The following ARFGEF3 variants were observed in gnomAD, a reference collection of about 807,000 sequenced individuals.
The protein encoded by ARFGEF3 is ARFGEF family member 3, also known as brefeldin A-inhibited guanine nucleotide-exchange protein 3.
In ARFGEF3, 96 loss-of-function variants were observed where a neutral mutation model predicts 221.7. That is an observed-to-expected ratio of 0.43 (90% CI 0.37 to 0.51). ARFGEF3 has a LOEUF of 0.51. ARFGEF3 is among the 20% of genes least tolerant of loss of function. ARFGEF3 has a pLI of 0.00. For missense variants in ARFGEF3, 2,410 were observed against 2,789.9 expected, an observed-to-expected ratio of 0.86 and a Z score of 3.07; for synonymous variants, 1,145 against 1,126.8, an observed-to-expected ratio of 1.02 and a Z score of -0.32.
At chr6:138,262,605 A>G (rs1158143190) in intron 11 of ARFGEF3, 96 bp from the exon 12 acceptor site, 3 of 1,222,754 alleles carry the variant, frequency 2.5e-6, no homozygotes, top group Admixed American at 2.3e-5. Context: ...TGTTTTGAAT[A>G]CTTTGCTGTT....
At chr6:138,167,952 G>T (rs897197412) in intron 1 of ARFGEF3, among the ~76,000 whole-genome samples, 2 of 152,170 alleles carry the variant, frequency 1.3e-5, no homozygotes, top group African/African-American at 2.4e-5. Flanking sequence ...GAGACAGAGG[G>T]TCATCCCCCT....
intron 29 of ARFGEF3, among the ~76,000 whole-genome samples, chr6:138,322,588 A>G (rs1388132049): frequency 6.6e-6 from 1 of 152,112 alleles, no homozygotes; most frequent in Non-Finnish European, 1.5e-5. Context: ...CAAGGTCAGG[A>G]GTTCGAGACT....
At chr6:138,177,775 T>C (rs945080191) in intron 2 of ARFGEF3, among the ~76,000 whole-genome samples, 1 of 152,130 alleles carries the variant, frequency 6.6e-6, no homozygotes, top group African/African-American at 2.4e-5. Flanking sequence ...TTTGAATATA[T>C]TTTGTAATTC....
At chr6:138,323,084 A>C (rs975719207) in intron 29 of ARFGEF3, among the ~76,000 whole-genome samples, 7 of 152,062 alleles carry the variant, frequency 4.6e-5, no homozygotes, top group African/African-American at 1.7e-4. Context: ...TGGAACTAGA[A>C]TCCAAAAATC....
At chr6:138,273,313 T>G (rs540368972) in intron 12 of ARFGEF3, among the ~76,000 whole-genome samples, 2 of 152,372 alleles carry the variant, frequency 1.3e-5, no homozygotes, top group East Asian at 3.9e-4. Flanking sequence ...AGAAGAGATT[T>G]TAAGAGGTCT....
intron 8 of ARFGEF3, among the ~76,000 whole-genome samples, chr6:138,247,831 A>G (rs764473265): frequency 3.3e-5 from 5 of 152,260 alleles, no homozygotes; most frequent in Non-Finnish European, 7.3e-5. Flanking sequence ...AATTCACTTA[A>G]AAGACTGGGA....
intron 14 of ARFGEF3, 45 bp from the exon 15 acceptor site, chr6:138,285,901 T>G (rs1389296079): frequency 8.6e-7 from 1 of 1,158,840 alleles, no homozygotes; most frequent in Non-Finnish European, 1.3e-6. Flanking sequence ...TGTTTTTGAC[T>G]GGAGTGTTTT....
intron 31 of ARFGEF3, among the ~76,000 whole-genome samples, chr6:138,327,579 G>C (rs1309111729): frequency 1.3e-5 from 2 of 152,200 alleles, no homozygotes; most frequent in Non-Finnish European, 2.9e-5. Flanking sequence ...GCCATGCCTA[G>C]TAGAACACTG....
Position 138,242,958 on chromosome 6 carries a change from G to GAAAACCCAGATGTCCCA in ARFGEF3, c.551_567dup (p.Gln190LysfsTer16). The GAAAACCCAGATGTCCCA allele has an allele frequency of 6.2e-7, 1 of 1,611,864 alleles. No homozygotes were observed. On this transcript the variant is annotated frameshift_variant, in exon 7 of 34. Coordinates refer to ENST00000251691, the MANE Select transcript of ARFGEF3 (RefSeq NM_020340.5). LOFTEE classifies it high-confidence loss of function. ...TGTGTATCTCCCTTACTAGATAATT[G>GAAAACCCAGATGTCCCA]AAAACCCAGATGTCCCACAGGATTT...
In ARFGEF3 at chr6:138,291,477, C is replaced by T. The variant is rs1349837575; in HGVS notation, c.3048-256C>T. ...GAACTGGGCTTCATTGCCCGTCTTT[C>T]TCCCAGCCTGGGGTGGGAGAACCCA... On this transcript the variant is annotated intron_variant, in intron 18 of 33. Transcript: ENST00000251691. This position sits in a 1 kb window ranked among gnomAD's most constrained non-coding sequence, Gnocchi z 4.5. 6.6e-6 allele frequency among the ~76,000 whole-genome samples: 1 copy of T among 152,190 alleles called. No individual in the cohort carries two copies. The highest frequency in any genetic ancestry group is 6.5e-5 in the Admixed American group (1 of 15,278).
intron 15 of ARFGEF3, 139 bp from the exon 16 acceptor site, chr6:138,286,562 T>C: frequency 1.5e-6 from 1 of 673,008 alleles, no homozygotes; most frequent in Non-Finnish European, 2.6e-6. Context: ...CATAATCCCA[T>C]ATAATCCATT....
chr6:138,249,709 G>A (rs1413275890), intron 8 of ARFGEF3, among the ~76,000 whole-genome samples: 1 of 152,050 alleles, frequency 6.6e-6, no homozygotes, highest in Non-Finnish European at 1.5e-5. Flanking sequence ...ATGGCTTTAG[G>A]CATGTTATTT....
intron 23 of ARFGEF3, among the ~76,000 whole-genome samples, chr6:138,308,343 C>A (rs1009762766): frequency 1.3e-5 from 2 of 152,146 alleles, no homozygotes; most frequent in African/African-American, 4.8e-5. Flanking sequence ...GGTCTCAGGC[C>A]TTCTGTGCTC....
intron 4 of ARFGEF3, among the ~76,000 whole-genome samples, chr6:138,210,353 G>A (rs557208167): frequency 7.2e-5 from 11 of 152,100 alleles, no homozygotes; most frequent in South Asian, 4.2e-4. Context: ...ATTATTCTGG[G>A]TATTCTGCCT....
intron 2 of ARFGEF3, among the ~76,000 whole-genome samples, chr6:138,201,442 G>A (rs1455182871): frequency 6.6e-6 from 1 of 152,142 alleles, no homozygotes; most frequent in African/African-American, 2.4e-5. Flanking sequence ...GTCAATGAGT[G>A]GATAAAGAAA....
intron 32 of ARFGEF3, among the ~76,000 whole-genome samples, chr6:138,330,953 A>AAGAT (rs1399219134): frequency 6.6e-6 from 1 of 152,208 alleles, no homozygotes; most frequent in African/African-American, 2.4e-5. Flanking sequence ...TTATATACCA[A>AAGAT]AGATTGTGCA....
intron 2 of ARFGEF3, among the ~76,000 whole-genome samples, chr6:138,182,233 G>GT (rs1777090582): frequency 6.6e-6 from 1 of 152,174 alleles, no homozygotes; most frequent in African/African-American, 2.4e-5. Flanking sequence ...TCACTATGGG[G>GT]TATTAGCTCT....
chr6:138,212,794 C>T (rs1777756772), intron 4 of ARFGEF3, among the ~76,000 whole-genome samples: 1 of 152,160 alleles, frequency 6.6e-6, no homozygotes, highest in Non-Finnish European at 1.5e-5. Flanking sequence ...CCAAACACCA[C>T]ATGTTCTCAC....
At chr6:138,187,859 G>T (rs1202119301) in intron 2 of ARFGEF3, among the ~76,000 whole-genome samples, 1 of 152,184 alleles carries the variant, frequency 6.6e-6, no homozygotes, top group Non-Finnish European at 1.5e-5. Flanking sequence ...GGAGCCAGCA[G>T]TATGTGTAGG....
Sources: gnomAD v4.1 joint callset for allele counts (sites outside exome capture counted in the v4.1 genomes callset) on GRCh38, gnomAD v4.1.1 for gene constraint, Gnocchi (gnomAD v3.1) non-coding constraint, MANE v1.5 for transcripts, NCBI Gene and HGNC (gene_info 2026-07-23, HGNC 2026-07-21) for gene names.